The following STXBP6 variants were observed in gnomAD, a reference collection of about 807,000 sequenced individuals.
The protein encoded by STXBP6 is syntaxin binding protein 6.
STXBP6 carries 21 observed loss-of-function variants against 26.9 expected under a neutral mutation model. That is an observed-to-expected ratio of 0.78 (90% CI 0.55 to 1.12). The LOEUF is 1.12. Among genes scored for constraint, STXBP6 ranks in the 50% most tolerant of loss-of-function variants. The pLI, the probability that STXBP6 is intolerant of heterozygous loss-of-function variation, is 0.00. For synonymous variants in STXBP6, 97 were observed against 92.6 expected, an observed-to-expected ratio of 1.05 and a Z score of -0.27; for missense variants, 232 against 257.9, an observed-to-expected ratio of 0.90 and a Z score of 0.69.
rs1053976851 is a variant in STXBP6, at chr14:24,987,872, A to G, written c.-32-13022T>C. On this transcript the variant is annotated intron_variant, in intron 1 of 5. Coordinates refer to ENST00000323944, the MANE Select transcript of STXBP6 (RefSeq NM_001394410.1). ...CAAAGAGCAGAGCAAAGCTGGAATA[A>G]GATACACACTTACTCATTCAATATC... is the stretch of plus-strand genomic sequence containing the variant. 4 of 985,424 alleles carry G rather than the reference A, an allele frequency of 4.1e-6. No individual in the cohort carries two copies. In the African/African-American group the frequency reaches 7.0e-5, roughly 17 times the overall value. 61.0% of individuals were successfully genotyped at this position (985,424 alleles called of 1,614,324 possible).
At chr14:24,946,674 C>T (rs1169672008) in intron 2 of STXBP6, among the ~76,000 whole-genome samples, 2 of 152,050 alleles carry the variant, frequency 1.3e-5, no homozygotes, top group Non-Finnish European at 2.9e-5. Flanking sequence ...TACAAGTGCC[C>T]AAGGCAAGTG....
chr14:25,007,891 A>G (rs1054895783), intron 1 of STXBP6, among the ~76,000 whole-genome samples: 2 of 152,274 alleles, frequency 1.3e-5, no homozygotes, highest in Admixed American at 6.5e-5. Flanking sequence ...CTACCATCTT[A>G]AAGTCTCCAA....
chr14:24,936,644 G>A (rs111532862), intron 2 of STXBP6, among the ~76,000 whole-genome samples: 65 of 152,222 alleles, frequency 4.3e-4, no homozygotes, highest in Admixed American at 1.2e-3. Flanking sequence ...TTGCCACACC[G>A]TCTTCCACAA....
At chr14:24,835,596 C>T (rs929284706) in intron 4 of STXBP6, among the ~76,000 whole-genome samples, 6 of 152,086 alleles carry the variant, frequency 3.9e-5, no homozygotes, top group African/African-American at 1.4e-4. Context: ...CATAGATCAT[C>T]TAATTTTTTA....
intron 1 of STXBP6, among the ~76,000 whole-genome samples, chr14:25,025,573 G>A (rs1035439514): frequency 2.6e-5 from 4 of 152,196 alleles, no homozygotes; most frequent in Non-Finnish European, 5.9e-5. Flanking sequence ...GAGACCTGAT[G>A]CAGCCAGTGT....
intron 1 of STXBP6, among the ~76,000 whole-genome samples, chr14:25,019,589 T>C (rs2075223396): frequency 6.6e-6 from 1 of 152,192 alleles, no homozygotes; most frequent in South Asian, 2.1e-4. Context: ...CTATAAGACA[T>C]TTCATTCCAC....
At chr14:25,004,265 T>A (rs1366082137) in intron 1 of STXBP6, among the ~76,000 whole-genome samples, 2 of 152,200 alleles carry the variant, frequency 1.3e-5, no homozygotes, top group African/African-American at 4.8e-5. Flanking sequence ...CACATGCCAA[T>A]CCCCTCACCT....
intron 2 of STXBP6, among the ~76,000 whole-genome samples, chr14:24,892,786 T>C (rs1166981340): frequency 1.3e-5 from 2 of 152,124 alleles, no homozygotes; most frequent in Admixed American, 1.3e-4. Flanking sequence ...TGGGAGAACA[T>C]CAAATATGAG....
chr14:25,042,089 C>A (rs1465105439), intron 1 of STXBP6, among the ~76,000 whole-genome samples: 1 of 152,182 alleles, frequency 6.6e-6, no homozygotes, highest in Non-Finnish European at 1.5e-5. Flanking sequence ...GAAAGAGGAT[C>A]CATCAACTTA....
At position 25,014,097 on chromosome 14, in the gene STXBP6, T is replaced by C. The variant is rs1031908011; in HGVS notation, c.-33+35781A>G. 1.3e-4 allele frequency among the ~76,000 whole-genome samples: 20 copies of C among 152,332 alleles called. No individual in the cohort carries two copies. The East Asian group carries it at 3.3e-3, about 25-fold the overall frequency. On this transcript the variant is annotated intron_variant, in intron 1 of 5. Transcript: ENST00000323944. ...AGGCTAAGATCTAGATGAAACAAGA[T>C]TGGCCATAAATTAACCATTGTTGAA... is the stretch of plus-strand genomic sequence containing the variant.
chr14:24,929,639 T>C (rs1004647442), intron 2 of STXBP6, among the ~76,000 whole-genome samples: 5 of 152,240 alleles, frequency 3.3e-5, no homozygotes, highest in Admixed American at 6.5e-5. Flanking sequence ...ATAGCACAAG[T>C]GGAATTTCTT....
chr14:24,899,126 T>C (rs117290435), intron 2 of STXBP6, among the ~76,000 whole-genome samples: 1 of 152,178 alleles, frequency 6.6e-6, no homozygotes, highest in East Asian at 1.9e-4. Context: ...AGATTTCAAG[T>C]ATTTTAGGCA....
chr14:24,965,602 T>C (rs1336180089), intron 2 of STXBP6, among the ~76,000 whole-genome samples: 1 of 152,082 alleles, frequency 6.6e-6, no homozygotes, highest in Non-Finnish European at 1.5e-5. Context: ...ATATACACAG[T>C]TCAGTTATTC....
intron 1 of STXBP6, among the ~76,000 whole-genome samples, chr14:24,996,988 G>A (rs1462217688): frequency 6.6e-6 from 1 of 151,640 alleles, no homozygotes; most frequent in Non-Finnish European, 1.5e-5. Context: ...CCTGGGAAAT[G>A]ACAGCTAAAG....
In STXBP6 at chr14:24,810,273, G is replaced by T. The variant is rs552708975; in HGVS notation, c.*2436C>A. On this transcript the variant is annotated 3_prime_UTR_variant, in exon 6 of 6. Transcript: ENST00000323944. Reference sequence around the variant, plus strand: ...CTCAACCAAACTGGTCCCAAATCATGACAGTTATTTTGTCTAAGACCGTAT... The same window carrying T: ...CTCAACCAAACTGGTCCCAAATCATTACAGTTATTTTGTCTAAGACCGTAT... The T allele has an allele frequency of 1.2e-3, 187 of 152,308 alleles. No individual in the cohort carries two copies. Among genetic ancestry groups the T allele is most frequent in the African/African-American group, 4.4e-3 (183 of 41,562 alleles). The allele number at this position is 152,308 out of a possible 1,614,324, so 9.4% of individuals were successfully genotyped here.
intron 2 of STXBP6, among the ~76,000 whole-genome samples, chr14:24,950,563 GA>G (rs1372241035): frequency 1.3e-5 from 2 of 151,944 alleles, no homozygotes; most frequent in East Asian, 3.9e-4. Context: ...TAGCGAGAGG[GA>G]AAAAAATCAA....
chr14:24,870,764 T>C (rs895450370), intron 2 of STXBP6, among the ~76,000 whole-genome samples: 2 of 152,152 alleles, frequency 1.3e-5, no homozygotes, highest in Non-Finnish European at 2.9e-5. Context: ...CTAAATAGAC[T>C]CCCTACCCCA....
In STXBP6 at chr14:24,907,429, A is replaced by T. The variant is rs11852094; in HGVS notation, c.155-50272T>A. ...AGCATTAAAAGAGCATTATTAAAGT[A>T]CACAGTTGTCTATATATCACCTCAA... On this transcript the variant is annotated intron_variant, in intron 2 of 5. Coordinates refer to ENST00000323944, the MANE Select transcript of STXBP6 (RefSeq NM_001394410.1). Among the ~76,000 whole-genome samples the T allele has an allele frequency of 8.2e-3, 1,250 of 152,304 alleles. 18 individuals are homozygous for T. The highest frequency in any genetic ancestry group is 0.028 in the African/African-American group (1,173 of 41,564).
At chr14:25,023,537 G>A (rs776863407) in intron 1 of STXBP6, among the ~76,000 whole-genome samples, 1 of 152,198 alleles carries the variant, frequency 6.6e-6, no homozygotes, top group African/African-American at 2.4e-5. Context: ...GTGGCTGGGC[G>A]GTGGCTCATG....
Sources: allele counts gnomAD v4.1 joint callset (sites outside exome capture counted in the v4.1 genomes callset), GRCh38; gene constraint gnomAD v4.1.1; transcripts MANE v1.5; gene names NCBI Gene and HGNC (gene_info 2026-07-23, HGNC 2026-07-21).